PIWIL2: variants seen among roughly 807,000 people sequenced by gnomAD.
PIWIL2 encodes the protein piwi-like protein 2.
In PIWIL2, 81 loss-of-function variants were observed where a neutral mutation model predicts 116.5. The observed-to-expected ratio is 0.70, with a 90% CI of 0.58 to 0.84. The LOEUF is 0.84. PIWIL2 is among the 40% of genes least tolerant of loss of function. The pLI, the probability that PIWIL2 is intolerant of heterozygous loss-of-function variation, is 0.00. For synonymous variants in PIWIL2, 489 were observed against 429.5 expected (o/e 1.14, Z -1.71); for missense variants, 1,272 against 1,212.3 (o/e 1.05, Z -0.73).
intron 13 of PIWIL2, among the ~76,000 whole-genome samples, chr8:22,307,034 A>G (rs1175929901): frequency 6.6e-6 from 1 of 152,262 alleles, no homozygotes; most frequent in Non-Finnish European, 1.5e-5. Flanking sequence ...CACCATGACA[A>G]GTTCTGGGCA....
chr8:22,295,149 C>T (rs1038958557), intron 10 of PIWIL2, among the ~76,000 whole-genome samples: 7 of 151,324 alleles, frequency 4.6e-5, no homozygotes, highest in Admixed American at 2.6e-4. Flanking sequence ...AAATTCATTC[C>T]TTTCTTTCCT....
chr8:22,355,075 A>C lies in PIWIL2; in HGVS notation c.2766-274A>C, dbSNP rs181651738. On this transcript the variant is annotated intron_variant, in intron 22 of 22. Coordinates refer to ENST00000356766, the MANE Select transcript of PIWIL2 (RefSeq NM_018068.5). ...ACAGAGCAAGACTCTGTCAAAAAAA[A>C]AAAACAAAACAAAAAACAACAACAA... Among the ~76,000 whole-genome samples the C allele has an allele frequency of 7.6e-4, 115 of 152,026 alleles. 2 individuals carry two copies. The South Asian group carries it at 0.012, about 16-fold the overall frequency.
In PIWIL2 at chr8:22,283,075, T is replaced by A; in HGVS notation, c.467T>A (p.Leu156Gln). Residue 156 changes from leucine to glutamine, a missense_variant, in exon 5 of 23, where the codon CTG (leucine) becomes CAG (glutamine). Leu to Gln is a moderately radical substitution (Grantham distance 113). Coordinates refer to ENST00000356766, the MANE Select transcript of PIWIL2 (RefSeq NM_018068.5). ...AGTTCAGATGCGTCTTTATTACCAC[T>A]GGGAAGAGCAGCAGGTGGTATCAGC... Reference protein sequence around the residue: ...RGSSDASLLPLGRAAGGISRE... With the variant: ...RGSSDASLLPQGRAAGGISRE... 1 of 1,614,162 alleles carries A rather than the reference T, an allele frequency of 6.2e-7. No individual in the cohort carries two copies. The highest frequency in any genetic ancestry group is 8.5e-7 in the Non-Finnish European group (1 of 1,180,006).
intron 13 of PIWIL2, 136 bp from the exon 14 acceptor site, chr8:22,307,797 A>C (rs192254350): frequency 1.3e-5 from 8 of 628,362 alleles, no homozygotes; most frequent in Non-Finnish European, 2.2e-5. Context: ...GATATATTTA[A>C]TAAGTCCTTG....
At chr8:22,341,717 C>G (rs193144022) in intron 20 of PIWIL2, among the ~76,000 whole-genome samples, 15 of 151,984 alleles carry the variant, frequency 9.9e-5, no homozygotes, top group African/African-American at 3.6e-4. Context: ...GATGCTTTCC[C>G]CCTAAGATAG....
chr8:22,347,112 A>C (rs1314082284), intron 20 of PIWIL2, among the ~76,000 whole-genome samples: 1 of 151,158 alleles, frequency 6.6e-6, no homozygotes, highest in East Asian at 1.9e-4. Flanking sequence ...TTCAGACTGC[A>C]TGAGCCATCA....
chr8:22,302,356 A>G (rs1216902318), intron 10 of PIWIL2, among the ~76,000 whole-genome samples: 1 of 151,744 alleles, frequency 6.6e-6, no homozygotes, highest in African/African-American at 2.4e-5. Context: ...TAATTTTTGT[A>G]TTTTTAGTAG....
chr8:22,351,271 T>G (rs1011953808), intron 20 of PIWIL2, among the ~76,000 whole-genome samples: 6 of 150,474 alleles, frequency 4.0e-5, no homozygotes, highest in Non-Finnish European at 7.4e-5. Context: ...GTGGCTATGA[T>G]TACACCACTG....
chr8:22,277,033 ATT>A (rs553016038), intron 1 of PIWIL2, among the ~76,000 whole-genome samples: 7,353 of 146,208 alleles, frequency 0.05, 276 homozygotes, highest in Admixed American at 0.086. Flanking sequence ...ATATATATAT[ATT>A]TTTTTTTTTG....
intron 10 of PIWIL2, among the ~76,000 whole-genome samples, chr8:22,295,795 C>G (rs1377926679): frequency 6.6e-6 from 1 of 152,144 alleles, no homozygotes; most frequent in African/African-American, 2.4e-5. Flanking sequence ...CTTTTCATCA[C>G]CCAGGAATGG....
At chr8:22,348,820 A>G (rs375466882) in intron 20 of PIWIL2, among the ~76,000 whole-genome samples, 1 of 152,168 alleles carries the variant, frequency 6.6e-6, no homozygotes, top group Non-Finnish European at 1.5e-5. Flanking sequence ...TCATCCCTCA[A>G]TCATAGTTTT....
chr8:22,337,433 C>CA, intron 20 of PIWIL2, among the ~76,000 whole-genome samples: 1 of 151,906 alleles, frequency 6.6e-6, no homozygotes, highest in East Asian at 1.9e-4. Flanking sequence ...AAATTTTTAA[C>CA]AAAAAAGATA....
At chr8:22,309,014 T>C (rs1161231921) in intron 14 of PIWIL2, among the ~76,000 whole-genome samples, 1 of 151,732 alleles carries the variant, frequency 6.6e-6, no homozygotes, top group Non-Finnish European at 1.5e-5. Context: ...CAGGCTGGAG[T>C]GTAATGGCGC....
At chr8:22,320,644 G>C (rs769609464) in intron 20 of PIWIL2, among the ~76,000 whole-genome samples, 24 of 150,892 alleles carry the variant, frequency 1.6e-4, no homozygotes, top group Non-Finnish European at 2.7e-4. Flanking sequence ...AGGCTGAAGT[G>C]CAATGGCACA....
intron 20 of PIWIL2, among the ~76,000 whole-genome samples, chr8:22,322,292 C>G (rs1283280262): frequency 6.6e-6 from 1 of 151,746 alleles, no homozygotes; most frequent in Non-Finnish European, 1.5e-5. Flanking sequence ...GCTCTGTTGC[C>G]TGGGCTGGAG....
chr8:22,294,018 T>C (rs745313028), intron 10 of PIWIL2, among the ~76,000 whole-genome samples: 4 of 152,150 alleles, frequency 2.6e-5, no homozygotes, highest in Non-Finnish European at 4.4e-5. Context: ...TTGAAAAATA[T>C]GGCATGTCTT....
intron 20 of PIWIL2, among the ~76,000 whole-genome samples, chr8:22,328,249 G>T (rs1831773165): frequency 6.6e-6 from 1 of 152,120 alleles, no homozygotes; most frequent in African/African-American, 2.4e-5. Context: ...ATGGATGTTT[G>T]GGTTTATTTC....
intron 18 of PIWIL2, among the ~76,000 whole-genome samples, chr8:22,315,800 G>A (rs1294520233): frequency 6.6e-6 from 1 of 152,152 alleles, no homozygotes; most frequent in Non-Finnish European, 1.5e-5. Flanking sequence ...TAAAGGTCAA[G>A]TATGCTTTTT....
chr8:22,347,667 C>T (rs576684650), intron 20 of PIWIL2, among the ~76,000 whole-genome samples: 15 of 151,972 alleles, frequency 9.9e-5, no homozygotes, highest in Admixed American at 2.0e-4. Context: ...TCCGGGATTA[C>T]AGGCGCCTGC....
Sources: gnomAD v4.1 joint callset for allele counts (sites outside exome capture counted in the v4.1 genomes callset) on GRCh38, gnomAD v4.1.1 for gene constraint, MANE v1.5 for transcripts, NCBI Gene and HGNC (gene_info 2026-07-23, HGNC 2026-07-21) for gene names.